The following MARVELD2 variants were observed in gnomAD, a reference collection of about 807,000 sequenced individuals.
The protein encoded by MARVELD2 is MARVEL domain-containing protein 2.
Under a neutral mutation model 57.6 loss-of-function variants are expected in MARVELD2, and 49 were observed. That is an observed-to-expected ratio of 0.85 (90% CI 0.68 to 1.08). The LOEUF (loss-of-function observed/expected upper bound fraction) is 1.08. MARVELD2 is among the 50% of genes least tolerant of loss of function. The pLI is 0.00. For synonymous variants in MARVELD2, 238 were observed against 258.8 expected, an observed-to-expected ratio of 0.92 and a Z score of 0.77; for missense variants, 606 against 701.1, an observed-to-expected ratio of 0.86 and a Z score of 1.53.
rs1490419341 is a variant in MARVELD2 at position 69,432,538 on chromosome 5, C to T, written c.1194C>T (p.Ala398=). Residue 398 remains alanine, a synonymous_variant, in exon 4 of 7, where the codon GCC becomes GCT. Transcript: ENST00000325631. ...LSSKRKMCEM[A]TSGDRQRDSE... ...CTCCCTAACTGCAGTGTGAAATGGC[C>T]ACCAGTGGTGACAGACAAAGAGACT... 2.5e-6 allele frequency: 4 copies of T among 1,614,000 alleles called. No individual in the cohort carries two copies. In the South Asian group the frequency reaches 3.3e-5, roughly 13 times the overall value.
chr5:69,420,115 G>T lies in MARVELD2; in HGVS notation c.730G>T (p.Gly244Trp). 3 of 1,614,106 alleles carry T rather than the reference G, an allele frequency of 1.9e-6. No homozygotes were observed. The highest frequency in any genetic ancestry group is 2.5e-6 in the Non-Finnish European group (3 of 1,180,014). The change falls in exon 2 of 7, where the codon GGG (glycine) becomes TGG (tryptophan). Residue 244 changes from glycine (G) to tryptophan (W), a missense_variant. Coordinates refer to ENST00000325631, the MANE Select transcript of MARVELD2 (RefSeq NM_001038603.3). ...GGVGGLGSMY[G>W]GYYYTGPKTP... ...CGTTGGTGGATTGGGCAGTATGTAT[G>T]GGGGCTATTACTACACTGGCCCTAA...
rs1454224069 is a variant in MARVELD2 at position 69,436,436 on chromosome 5, CACACACACACACACACAT to C, written c.1503+3345_1503+3362del. ...ACACACACACACACACACACACACA[CACACACACACACACACAT>C]ATATATAAATTTTTTACCTGAGAAG... On this transcript the variant is annotated intron_variant, in intron 5 of 6. Transcript: ENST00000325631. Among the ~76,000 whole-genome samples, 32 of 144,648 alleles carry C rather than the reference CACACACACACACACACAT, an allele frequency of 2.2e-4. 1 individual carries two copies. The highest frequency in any genetic ancestry group is 1.4e-3 in the South Asian group (6 of 4,236). 94.9% of individuals were successfully genotyped at this position (144,648 alleles called of 152,430 possible).
At chr5:69,439,387 C>T (rs1232574304) in intron 5 of MARVELD2, among the ~76,000 whole-genome samples, 2 of 151,752 alleles carry the variant, frequency 1.3e-5, no homozygotes, top group African/African-American at 4.8e-5. Context: ...TCTTGAACTC[C>T]TGATCTCAGG....
At chr5:69,430,356 G>A (rs1766921488) in intron 3 of MARVELD2, among the ~76,000 whole-genome samples, 3 of 152,008 alleles carry the variant, frequency 2.0e-5, no homozygotes, top group Admixed American at 1.3e-4. Context: ...CACAGAACGA[G>A]ACTCTGTCTC....
At chr5:69,439,174 T>C (rs549882483) in intron 5 of MARVELD2, among the ~76,000 whole-genome samples, 5 of 152,026 alleles carry the variant, frequency 3.3e-5, no homozygotes, top group African/African-American at 1.2e-4. Flanking sequence ...TATTTATTTA[T>C]TTATTTTTGA....
intron 1 of MARVELD2, among the ~76,000 whole-genome samples, chr5:69,417,469 A>G (rs906858908): frequency 1.3e-5 from 2 of 152,200 alleles, no homozygotes; most frequent in African/African-American, 4.8e-5. Flanking sequence ...GTAAAATAAA[A>G]TAAAGCCTTA....
At chr5:69,425,698 C>T (rs910643100) in intron 3 of MARVELD2, among the ~76,000 whole-genome samples, 1 of 150,910 alleles carries the variant, frequency 6.6e-6, no homozygotes, top group Non-Finnish European at 1.5e-5. Flanking sequence ...TTACTACACT[C>T]ACAGGACAGT....
chr5:69,432,930 C>CT lies in MARVELD2; in HGVS notation c.1341dup (p.Val448CysfsTer6). On this transcript the variant is annotated frameshift_variant, in exon 5 of 7. Coordinates refer to ENST00000325631, the MANE Select transcript of MARVELD2 (RefSeq NM_001038603.3). LOFTEE classifies it high-confidence loss of function. ...TTATGTTTTTCCCCTAGAAAATACCCTGTGATTCAGACAGATGATGAGCGA... is the reference window on the plus strand; with the variant it reads ...TTATGTTTTTCCCCTAGAAAATACCCTTGTGATTCAGACAGATGATGAGCGA... 6.2e-7 allele frequency: 1 copy of CT among 1,614,186 alleles called. No homozygotes were observed. Among genetic ancestry groups the CT allele is most frequent in the Non-Finnish European group, 8.5e-7 (1 of 1,180,038 alleles).
At chr5:69,438,314 G>A (rs1030198425) in intron 5 of MARVELD2, among the ~76,000 whole-genome samples, 1 of 152,176 alleles carries the variant, frequency 6.6e-6, no homozygotes, top group African/African-American at 2.4e-5. Context: ...CAGCACAGCA[G>A]TGCTAACCCC....
chr5:69,434,433 T>TGAA (rs1025390188), intron 5 of MARVELD2, among the ~76,000 whole-genome samples: 4 of 146,804 alleles, frequency 2.7e-5, no homozygotes, highest in Non-Finnish European at 4.4e-5. Flanking sequence ...CACTCCAGCC[T>TGAA]GAAGGACAGA....
Position 69,420,206 on chromosome 5 carries a change from G to C in MARVELD2, c.821G>C (p.Gly274Ala). The C allele has an allele frequency of 6.2e-7, 1 of 1,614,134 alleles. No individual in the cohort carries two copies. The highest frequency in any genetic ancestry group is 8.5e-7 in the Non-Finnish European group (1 of 1,180,008). ...ACCACCATTATTATTCTGGTTCTTG[G>C]CATGTCCATGTATTACCGGACCATT... is the stretch of plus-strand genomic sequence containing the variant. ...WITTIIILVL[G>A]MSMYYRTILL... The change falls in exon 2 of 7, where the codon GGC (glycine) becomes GCC (alanine). Residue 274 changes from glycine to alanine, a missense_variant. Physicochemically the swap from Gly to Ala is moderately conservative, Grantham distance 60. Coordinates refer to ENST00000325631, the MANE Select transcript of MARVELD2 (RefSeq NM_001038603.3).
At chr5:69,435,467 A>G (rs1328472646) in intron 5 of MARVELD2, among the ~76,000 whole-genome samples, 1 of 151,888 alleles carries the variant, frequency 6.6e-6, no homozygotes, top group East Asian at 1.9e-4. Flanking sequence ...AAGAAACCCT[A>G]TATTGGCTGG....
In MARVELD2 at chr5:69,419,758, A is replaced by G; in HGVS notation, c.373A>G (p.Asn125Asp). The change falls in exon 2 of 7, where the codon AAC becomes GAC. Residue 125 changes from asparagine to aspartate, a missense_variant. Physicochemically the swap from Asn to Asp is conservative, Grantham distance 23 (BLOSUM62 1). Coordinates refer to ENST00000325631, the MANE Select transcript of MARVELD2 (RefSeq NM_001038603.3). The stretch of plus-strand genomic sequence containing the variant: ...ACCACCAGCCTCTCCAGCAAGACCA[A>G]ACCACCGTTCGCCCCTCAACTCCTG... The part of the protein sequence containing the change: ...CSPPASPARP[N>D]HRSPLNSCKD... 6.2e-7 allele frequency: 1 copy of G among 1,614,052 alleles called. No individual in the cohort carries two copies. The highest frequency in any genetic ancestry group is 8.5e-7 in the Non-Finnish European group (1 of 1,179,994).
At chr5:69,431,334 C>G (rs562662926) in intron 3 of MARVELD2, among the ~76,000 whole-genome samples, 6 of 151,626 alleles carry the variant, frequency 4.0e-5, no homozygotes, top group Non-Finnish European at 7.4e-5. Flanking sequence ...AGGCTGGTCT[C>G]GAACACCTGA....
chr5:69,416,083 C>A (rs1766404127), intron 1 of MARVELD2, among the ~76,000 whole-genome samples: 1 of 152,200 alleles, frequency 6.6e-6, no homozygotes, highest in Non-Finnish European at 1.5e-5. Context: ...TAAGCCACTT[C>A]ACAGGTGAAG....
intron 3 of MARVELD2, among the ~76,000 whole-genome samples, chr5:69,430,608 C>T (rs1396242491): frequency 6.6e-6 from 1 of 151,828 alleles, no homozygotes; most frequent in Non-Finnish European, 1.5e-5. Flanking sequence ...ATCTCAGCTC[C>T]TTGCCACCTC....
intron 5 of MARVELD2, among the ~76,000 whole-genome samples, chr5:69,435,205 G>A (rs1767095456): frequency 6.7e-6 from 1 of 150,190 alleles, no homozygotes; most frequent in African/African-American, 2.5e-5. Context: ...GTAGAGGCAG[G>A]GTTTCCCCAT....
At chr5:69,417,164 T>A (rs1306560258) in intron 1 of MARVELD2, among the ~76,000 whole-genome samples, 1 of 152,246 alleles carries the variant, frequency 6.6e-6, no homozygotes, top group Non-Finnish European at 1.5e-5. Flanking sequence ...GATAATGGCC[T>A]GGCTTCCTCC....
rs141046438 is a variant in MARVELD2 at position 69,420,145 on chromosome 5, C to T, written c.760C>T (p.Pro254Ser). 2.5e-6 allele frequency: 4 copies of T among 1,614,042 alleles called. No individual in the cohort carries two copies. The highest frequency in any genetic ancestry group is 2.7e-5 in the African/African-American group (2 of 74,986). Residue 254 changes from proline (P) to serine (S), a missense_variant, in exon 2 of 7, where the codon CCT becomes TCT. Transcript: ENST00000325631. ...CTATTACTACACTGGCCCTAAGACC[C>T]CTTTTGTACTCGTGGTTGCTGGATT... The part of the protein sequence containing the change: ...GGYYYTGPKT[P>S]FVLVVAGLAW...
Sources: gnomAD v4.1 joint callset for allele counts (sites outside exome capture counted in the v4.1 genomes callset) on GRCh38, gnomAD v4.1.1 for gene constraint, MANE v1.5 for transcripts, NCBI Gene and HGNC (gene_info 2026-07-23, HGNC 2026-07-21) for gene names.